Variants in LNP1 observed in about 807,000 individuals in gnomAD.
LNP1 encodes the protein leukemia NUP98 fusion partner 1.
A neutral mutation model predicts 14.5 loss-of-function variants in LNP1; 12 were observed. The observed-to-expected ratio is 0.83, with a 90% confidence interval of 0.53 to 1.34. The LOEUF (loss-of-function observed/expected upper bound fraction) is 1.34, where lower values mean the gene tolerates loss of function less well. Ranked by LOEUF, LNP1 falls within the 40% of genes most tolerant of loss-of-function variation. The pLI is 0.00. For missense variants in LNP1, 198 were observed against 210.9 expected (o/e 0.94, Z 0.38); for synonymous variants, 75 against 71.4 (o/e 1.05, Z -0.26).
In LNP1 at chr3:100,439,556, C is replaced by T. The variant is rs140400458; in HGVS notation, c.156+9671C>T. On this transcript the variant is annotated intron_variant, in intron 2 of 3. Transcript: ENST00000383693. ...AACCCTTGCTCATCCTTCAGCTTGT[C>T]GTTCAGTCAGCACACATTCACAGAA... 1.1e-3 allele frequency among the ~76,000 whole-genome samples: 172 copies of T among 152,270 alleles called. 3 individuals carry two copies. Among genetic ancestry groups the T allele is most frequent in the African/African-American group, 4.0e-3 (165 of 41,560 alleles).
chr3:100,410,887 A>G (rs905668500), intron 1 of LNP1, among the ~76,000 whole-genome samples: 1 of 152,316 alleles, frequency 6.6e-6, no homozygotes, highest in East Asian at 1.9e-4. Flanking sequence ...CCCAGGGAGT[A>G]GGTCTGAATC....
intron 2 of LNP1, among the ~76,000 whole-genome samples, chr3:100,439,829 T>C (rs1033176981): frequency 1.3e-5 from 2 of 152,148 alleles, no homozygotes; most frequent in African/African-American, 4.8e-5. Flanking sequence ...TGGACTAATA[T>C]ATAGAGATTT....
At position 100,455,780 on chromosome 3, in the gene LNP1, C is replaced by A. The variant is rs1451093422; in HGVS notation, c.391C>A (p.Pro131Thr). ...GTTTCTGATCTTTCCCTTTCAGGGA[C>A]CTGAAAGCAGAAAGGAGAGAAATGA... ...FRTKRSASLG[P>T]ESRKERNERE... is the part of the protein sequence containing the mutation. Residue 131 changes from proline (P) to threonine (T), a missense_variant, in exon 4 of 4, where the codon CCT becomes ACT. Physicochemically the swap from Pro to Thr is conservative, Grantham distance 38. Transcript: ENST00000383693. 2 of 1,613,606 alleles carry A rather than the reference C, an allele frequency of 1.2e-6. No homozygotes were observed.
chr3:100,428,864 G>T (rs1319060475), intron 1 of LNP1, among the ~76,000 whole-genome samples: 2 of 152,156 alleles, frequency 1.3e-5, no homozygotes, highest in East Asian at 3.9e-4. Flanking sequence ...ACAGGATAAT[G>T]CATACTGTAT....
chr3:100,418,698 C>T (rs1707112924), intron 1 of LNP1, among the ~76,000 whole-genome samples: 1 of 152,138 alleles, frequency 6.6e-6, no homozygotes, highest in South Asian at 2.1e-4. Flanking sequence ...GGTTTTAGAT[C>T]CGCTCTTTTC....
At chr3:100,406,470 C>T (rs964025373) in intron 1 of LNP1, among the ~76,000 whole-genome samples, 12 of 152,102 alleles carry the variant, frequency 7.9e-5, no homozygotes, top group African/African-American at 2.9e-4. Context: ...ATGGGATACC[C>T]AGATACTTGT....
intron 1 of LNP1, among the ~76,000 whole-genome samples, chr3:100,420,165 G>T (rs895473111): frequency 3.3e-5 from 5 of 152,108 alleles, no homozygotes; most frequent in African/African-American, 4.8e-5. Context: ...TTTGCCATTT[G>T]TATATCTTCT....
Position 100,418,362 on chromosome 3 carries a change from A to G in LNP1, c.-33-11335A>G, listed in dbSNP as rs533015999. 1.0e-3 allele frequency among the ~76,000 whole-genome samples: 152 copies of G among 151,936 alleles called. 1 individual carries two copies. The highest frequency in any genetic ancestry group is 4.2e-3 in the Admixed American group (64 of 15,260). The stretch of plus-strand genomic sequence containing the variant: ...CATGAGCCACCATGCTCCGCTTCAC[A>G]TCACTTTGTAACTATCATTTAGTTC... On this transcript the variant is annotated intron_variant, in intron 1 of 3. Coordinates refer to ENST00000383693, the MANE Select transcript of LNP1 (RefSeq NM_001085451.2).
intron 1 of LNP1, among the ~76,000 whole-genome samples, chr3:100,418,449 G>A (rs1348328664): frequency 6.6e-6 from 1 of 150,998 alleles, no homozygotes. Flanking sequence ...TTTTGGTCAT[G>A]CTTTCATTGT....
intron 3 of LNP1, among the ~76,000 whole-genome samples, chr3:100,454,154 A>G (rs1339746297): frequency 5.9e-5 from 9 of 152,182 alleles, no homozygotes; most frequent in African/African-American, 2.2e-4. Context: ...CAAGATACTT[A>G]GGGAAGCATT....
chr3:100,420,062 C>T (rs1707128948), intron 1 of LNP1, among the ~76,000 whole-genome samples: 1 of 152,170 alleles, frequency 6.6e-6, no homozygotes, highest in Admixed American at 6.5e-5. Context: ...TTAAATTTTA[C>T]ACATTCTGAT....
intron 2 of LNP1, 23 bp from the exon 3 acceptor site, chr3:100,451,696 A>G: frequency 1.0e-6 from 1 of 959,990 alleles, no homozygotes; most frequent in Non-Finnish European, 1.4e-6. Flanking sequence ...TATACTGTAA[A>G]TTTTTTCATT....
At chr3:100,431,198 T>C (rs115551659) in intron 2 of LNP1, among the ~76,000 whole-genome samples, 9 of 152,318 alleles carry the variant, frequency 5.9e-5, no homozygotes, top group African/African-American at 1.9e-4. Context: ...ACAGGAAATA[T>C]GAAAACATAG....
At chr3:100,446,839 C>A (rs907984917) in intron 2 of LNP1, among the ~76,000 whole-genome samples, 3 of 152,144 alleles carry the variant, frequency 2.0e-5, no homozygotes, top group African/African-American at 7.2e-5. Context: ...AACCAACAGA[C>A]ACATGAAAAA....
At chr3:100,424,193 G>T (rs888597811) in intron 1 of LNP1, among the ~76,000 whole-genome samples, 17 of 152,100 alleles carry the variant, frequency 1.1e-4, no homozygotes, top group Admixed American at 5.9e-4. Flanking sequence ...ACATCTTGTT[G>T]TTTTGGGAGA....
intron 1 of LNP1, among the ~76,000 whole-genome samples, chr3:100,405,897 A>G (rs1451076565): frequency 3.3e-5 from 5 of 152,044 alleles, no homozygotes; most frequent in Non-Finnish European, 4.4e-5. Flanking sequence ...CTTCACTTTC[A>G]CTATAAAGTT....
chr3:100,423,095 A>G (rs1053659609), intron 1 of LNP1, among the ~76,000 whole-genome samples: 45 of 152,080 alleles, frequency 3.0e-4, no homozygotes, highest in African/African-American at 1.1e-3. Context: ...CATAGCACAC[A>G]GTTTCAAGTA....
At chr3:100,443,166 A>G (rs930069335) in intron 2 of LNP1, among the ~76,000 whole-genome samples, 1 of 152,238 alleles carries the variant, frequency 6.6e-6, no homozygotes, top group Non-Finnish European at 1.5e-5. Flanking sequence ...TCCAAATGAG[A>G]AAAACATGGG....
intron 1 of LNP1, among the ~76,000 whole-genome samples, chr3:100,416,252 G>T (rs965627558): frequency 6.6e-6 from 1 of 152,086 alleles, no homozygotes; most frequent in Non-Finnish European, 1.5e-5. Context: ...AATTCAAACT[G>T]TTCCATCTGT....
Sources: gnomAD v4.1 joint callset for allele counts (sites outside exome capture counted in the v4.1 genomes callset) on GRCh38, gnomAD v4.1.1 for gene constraint, MANE v1.5 for transcripts, NCBI Gene and HGNC (gene_info 2026-07-23, HGNC 2026-07-21) for gene names.